DKC1: variants seen among roughly 807,000 people sequenced by gnomAD.
The protein encoded by DKC1 is dyskerin pseudouridine synthase 1.
Under a neutral mutation model 46.7 loss-of-function variants are expected in DKC1, and 4 were observed. The observed-to-expected ratio is 0.09, with a 90% CI of 0.04 to 0.20. The LOEUF is 0.20. Among genes scored for constraint, DKC1 ranks in the 10% least tolerant of loss-of-function variants. DKC1 has a pLI of 1.00. For missense variants in DKC1, 171 were observed against 404.2 expected, an observed-to-expected ratio of 0.42 and a Z score of 4.95; for synonymous variants, 141 against 142.4, an observed-to-expected ratio of 0.99 and a Z score of 0.07.
In DKC1 at chrX:154,768,513, C is replaced by T. The variant is rs144561614; in HGVS notation, c.771+81C>T. 1,119 of 1,152,624 alleles carry T rather than the reference C, an allele frequency of 9.7e-4. 5 individuals carry two copies. The highest frequency in any genetic ancestry group is 9.5e-3 in the Middle Eastern group (40 of 4,224). 95.0% of individuals were successfully genotyped at this position (1,152,624 alleles called of 1,213,427 possible). A position where few individuals can be genotyped will look rare whatever the true frequency, so the allele number is the denominator to read the frequency against. Reference sequence around the variant, plus strand: ...TGATGGCACTCCACTTGCTTCATGTCGTGGGAAAGATGCTTTCCAAAGTGT... The same window carrying T: ...TGATGGCACTCCACTTGCTTCATGTTGTGGGAAAGATGCTTTCCAAAGTGT... On this transcript the variant is annotated intron_variant, in intron 8 of 14. Transcript: ENST00000369550.
intron 1 of DKC1, among the ~76,000 whole-genome samples, chrX:154,764,255 A>G (rs1284707433): frequency 9.2e-6 from 1 of 108,671 alleles, no homozygotes; most frequent in Non-Finnish European, 1.9e-5. Flanking sequence ...TATATAGTAC[A>G]CAAGGTTATA....
intron 3 of DKC1, 27 bp downstream of exon 3, chrX:154,765,557 T>TTTTAC: frequency 9.9e-7 from 1 of 1,014,483 alleles, no homozygotes; most frequent in East Asian, 3.0e-5. Context: ...GTGCATCAGA[T>TTTTAC]GAATGCCTGC....
At chrX:154,772,150 T>G (rs1182181696) in intron 10 of DKC1, among the ~76,000 whole-genome samples, 1 of 112,780 alleles carries the variant, frequency 8.9e-6, no homozygotes, top group Non-Finnish European at 1.9e-5. Flanking sequence ...TTTATTTGTC[T>G]TCTTTTGAGA....
At position 154,762,901 on chromosome X, in the gene DKC1, C is replaced by A; in HGVS notation, c.-65C>A. The A allele has an allele frequency of 8.7e-7, 1 of 1,153,591 alleles. No individual in the cohort carries two copies. Among genetic ancestry groups the A allele is most frequent in the Non-Finnish European group, 1.2e-6 (1 of 859,996 alleles). ...GCAGCGCGGCCTGACGGGACCAAGGCGGCGGGAGTCTGCGGTCGTTCCCTC... is the reference window on the plus strand; with the variant it reads ...GCAGCGCGGCCTGACGGGACCAAGGAGGCGGGAGTCTGCGGTCGTTCCCTC... On this transcript the variant is annotated 5_prime_UTR_variant, in exon 1 of 15. Transcript: ENST00000369550.
chrX:154,777,166 G>A lies in DKC1; in HGVS notation c.*299G>A. 1 of 238,379 alleles carries A rather than the reference G, an allele frequency of 4.2e-6. No individual in the cohort carries two copies. Among genetic ancestry groups the A allele is most frequent in the Non-Finnish European group, 7.6e-6 (1 of 131,109 alleles). 19.6% of individuals were successfully genotyped at this position (238,379 alleles called of 1,213,427 possible). A position where few individuals can be genotyped will look rare whatever the true frequency, so the allele number is the denominator to read the frequency against. On this transcript the variant is annotated 3_prime_UTR_variant, in exon 15 of 15. Coordinates refer to ENST00000369550, the MANE Select transcript of DKC1 (RefSeq NM_001363.5). ...TAACTGTCCGCAGCTGTCTGCTAGT[G>A]GTTGTCTTAACATCGTAGTCCTAGT...
At chrX:154,776,385 A>G (rs1216542278) in intron 14 of DKC1, 61 bp downstream of exon 14, 75 of 1,142,058 alleles carry the variant, frequency 6.6e-5, no homozygotes, top group Non-Finnish European at 8.0e-5. Flanking sequence ...GGAAAGAATT[A>G]CCCAGGTGGT....
At chrX:154,764,727 T>C (rs1398636273) in intron 1 of DKC1, among the ~76,000 whole-genome samples, 172 bp from the exon 2 acceptor site, 2 of 111,831 alleles carry the variant, frequency 1.8e-5, no homozygotes, top group Non-Finnish European at 3.8e-5. Context: ...TATAATCTTA[T>C]GGGGGCCACC....
chrX:154,763,358 C>A (rs1557263804), intron 1 of DKC1, among the ~76,000 whole-genome samples: 1 of 112,503 alleles, frequency 8.9e-6, no homozygotes, highest in African/African-American at 3.2e-5. Context: ...GTAGTGGAAA[C>A]GGGCCGAGAA....
intron 13 of DKC1, 137 bp from the exon 14 acceptor site, chrX:154,776,050 C>T (rs1446980326): frequency 5.1e-6 from 4 of 785,182 alleles, no homozygotes; most frequent in Non-Finnish European, 7.8e-6. Context: ...AAGGCCCTGT[C>T]CGGGTTTGTA....
In DKC1 at chrX:154,766,942, A is replaced by T. The variant is rs7064200; in HGVS notation, c.449-55A>T. ...GGGAGTGACTGAGCATATAAGAAAT[A>T]TGGAAAACAGAAAACTCAGTGGCCA... On this transcript the variant is annotated intron_variant, in intron 5 of 14. Coordinates refer to ENST00000369550, the MANE Select transcript of DKC1 (RefSeq NM_001363.5). The T allele has an allele frequency of 3.9e-3, 4,345 of 1,104,514 alleles. 116 individuals carry two copies. In the African/African-American group the frequency reaches 0.069, roughly 18 times the overall value. 91.0% of individuals were successfully genotyped at this position (1,104,514 alleles called of 1,213,427 possible).
At chrX:154,773,555 C>T (rs1202618039) in intron 11 of DKC1, among the ~76,000 whole-genome samples, 2 of 108,839 alleles carry the variant, frequency 1.8e-5, no homozygotes, top group African/African-American at 3.4e-5. Context: ...CATCTTGCAC[C>T]GCCCTTAATC....
intron 11 of DKC1, among the ~76,000 whole-genome samples, chrX:154,773,938 C>T (rs892284990): frequency 3.6e-5 from 4 of 110,837 alleles, no homozygotes; most frequent in African/African-American, 1.3e-4. Context: ...GGGGCTGACC[C>T]CCCCCCACCT....
In DKC1 at chrX:154,762,964, A is replaced by G; in HGVS notation, c.-2A>G. The G allele has an allele frequency of 3.4e-6, 4 of 1,183,448 alleles. No individual in the cohort carries two copies. The highest frequency in any genetic ancestry group is 4.5e-6 in the Non-Finnish European group (4 of 880,907). On this transcript the variant is annotated 5_prime_UTR_variant, in exon 1 of 15. Transcript: ENST00000369550. ...GGCGGCACGCACGCGGTGCAGGGTAACATGGCGGATGCGGAAGGTAAGGGC... is the reference window on the plus strand; with the variant it reads ...GGCGGCACGCACGCGGTGCAGGGTAGCATGGCGGATGCGGAAGGTAAGGGC...
In DKC1 at chrX:154,776,309, C is replaced by G; in HGVS notation, c.1461C>G (p.Ala487=). Reference sequence around the variant, plus strand: ...CCAAAGCTGGTCTGGAGAGCGGGGCCGAGCCTGGAGATGGGGTGTGTGGAA... The same window carrying G: ...CCAAAGCTGGTCTGGAGAGCGGGGCGGAGCCTGGAGATGGGGTGTGTGGAA... ...KKAKAGLESG[A]EPGDGDSDTT... Residue 487 remains alanine, a synonymous_variant, in exon 14 of 15, where the codon GCC becomes GCG. Coordinates refer to ENST00000369550, the MANE Select transcript of DKC1 (RefSeq NM_001363.5). 8.4e-7 allele frequency: 1 copy of G among 1,195,512 alleles called. No homozygotes were observed. The highest frequency in any genetic ancestry group is 1.1e-6 in the Non-Finnish European group (1 of 886,923).
At chrX:154,769,753 G>T (rs2071798118) in intron 9 of DKC1, among the ~76,000 whole-genome samples, 2 of 112,538 alleles carry the variant, frequency 1.8e-5, no homozygotes, top group Admixed American at 1.9e-4. Context: ...CACATTTTTT[G>T]TATGTGTATA....
intron 10 of DKC1, 91 bp downstream of exon 10, chrX:154,770,970 C>A: frequency 1.1e-6 from 1 of 915,376 alleles, no homozygotes. Flanking sequence ...TGTTTTGATA[C>A]AGGCATGCAA....
chrX:154,765,737 A>G (rs912732713), intron 3 of DKC1, among the ~76,000 whole-genome samples, 170 bp from the exon 4 acceptor site: 4 of 112,732 alleles, frequency 3.5e-5, no homozygotes, highest in African/African-American at 1.3e-4. Flanking sequence ...GTTGTAGAAC[A>G]CATGTCCCCA....
Position 154,776,310 on chromosome X carries a change from G to A in DKC1, c.1462G>A (p.Glu488Lys). 1.7e-6 allele frequency: 2 copies of A among 1,194,777 alleles called. No individual in the cohort carries two copies. Among genetic ancestry groups the A allele is most frequent in the Non-Finnish European group, 2.3e-6 (2 of 886,390 alleles). The part of the protein sequence containing the change: ...KAKAGLESGA[E>K]PGDGDSDTTK... Reference sequence around the variant, plus strand: ...CAAAGCTGGTCTGGAGAGCGGGGCCGAGCCTGGAGATGGGGTGTGTGGAAA... The same window carrying A: ...CAAAGCTGGTCTGGAGAGCGGGGCCAAGCCTGGAGATGGGGTGTGTGGAAA... The change falls in exon 14 of 15, where the codon GAG (glutamate) becomes AAG (lysine). Residue 488 changes from glutamate (E) to lysine (K), a missense_variant. Glu to Lys is a moderately conservative substitution (Grantham distance 56, BLOSUM62 1). This residue lies in a region of DKC1 where 54 missense variants were observed against 64.4 expected (regional missense o/e 0.84). Transcript: ENST00000369550.
At chrX:154,763,785 G>C (rs1190094615) in intron 1 of DKC1, among the ~76,000 whole-genome samples, 1 of 112,139 alleles carries the variant, frequency 8.9e-6, no homozygotes, top group Admixed American at 9.4e-5. Context: ...AACCTGGACA[G>C]CATGGTATTG....
Sources: allele counts gnomAD v4.1 joint callset (sites outside exome capture counted in the v4.1 genomes callset), GRCh38; gene constraint gnomAD v4.1.1; regional missense constraint gnomAD v4.1.1; transcripts MANE v1.5; gene names NCBI Gene and HGNC (gene_info 2026-07-23, HGNC 2026-07-21).